The following FHOD3 variants were observed in gnomAD, a reference collection of about 807,000 sequenced individuals.
The protein encoded by FHOD3 is formin homology 2 domain containing 3.
A neutral mutation model predicts 173.0 loss-of-function variants in FHOD3; 90 were observed. That is an observed-to-expected ratio of 0.52 (90% CI 0.44 to 0.62). The LOEUF (loss-of-function observed/expected upper bound fraction) is 0.62, where lower values mean the gene tolerates loss of function less well. Among genes scored for constraint, FHOD3 ranks in the 20% least tolerant of loss-of-function variants. The probability of loss-of-function intolerance (pLI) is 0.00; values close to 1 mark genes in which losing one functional copy is unlikely to be tolerated. For missense variants in FHOD3, 1,945 were observed against 2,034.7 expected, an observed-to-expected ratio of 0.96 and a Z score of 0.85; for synonymous variants, 828 against 823.0, an observed-to-expected ratio of 1.01 and a Z score of -0.10.
chr18:36,345,663 A>C (rs2045845170), intron 1 of FHOD3, among the ~76,000 whole-genome samples: 1 of 152,224 alleles, frequency 6.6e-6, no homozygotes, highest in African/African-American at 2.4e-5. Context: ...TTAAATGCAC[A>C]TAATTGAAAA....
chr18:36,566,328 T>G (rs2058262778), intron 5 of FHOD3, among the ~76,000 whole-genome samples: 1 of 152,238 alleles, frequency 6.6e-6, no homozygotes, highest in South Asian at 2.1e-4. Context: ...TTTTAAAAAA[T>G]CAAGTCTAGC....
chr18:36,624,065 GGA>G (rs1460414339), intron 9 of FHOD3, among the ~76,000 whole-genome samples: 1 of 152,210 alleles, frequency 6.6e-6, no homozygotes, highest in Non-Finnish European at 1.5e-5. Flanking sequence ...CCACAAGGCT[GGA>G]GAACTTGCAT....
chr18:36,413,219 G>C (rs1447660376), intron 3 of FHOD3, among the ~76,000 whole-genome samples: 1 of 152,204 alleles, frequency 6.6e-6, no homozygotes, highest in Non-Finnish European at 1.5e-5. Context: ...AGATGCCTTG[G>C]TGATGGGTGG....
chr18:36,426,636 G>T (rs78251131), intron 3 of FHOD3, among the ~76,000 whole-genome samples: 2,856 of 152,278 alleles, frequency 0.019, 82 homozygotes, highest in African/African-American at 0.065. Flanking sequence ...AAAGCAGAAA[G>T]CATAGACATG....
At chr18:36,390,783 T>G (rs1161111452) in intron 3 of FHOD3, among the ~76,000 whole-genome samples, 1 of 152,188 alleles carries the variant, frequency 6.6e-6, no homozygotes, top group Non-Finnish European at 1.5e-5. Context: ...CTGTTACGCC[T>G]GGAGTGATTC....
intron 3 of FHOD3, among the ~76,000 whole-genome samples, chr18:36,459,688 A>G (rs2052436918): frequency 6.6e-6 from 1 of 152,224 alleles, no homozygotes; most frequent in Non-Finnish European, 1.5e-5. Context: ...TTTGAAAAAT[A>G]TAGCTTTAAA....
chr18:36,585,148 A>G (rs1052686189), intron 6 of FHOD3, among the ~76,000 whole-genome samples: 2 of 152,216 alleles, frequency 1.3e-5, no homozygotes, highest in Non-Finnish European at 2.9e-5. Flanking sequence ...ATTGTTTCCA[A>G]TGCTGTGCTG....
chr18:36,346,287 G>T (rs1440010481), intron 1 of FHOD3, among the ~76,000 whole-genome samples: 3 of 152,100 alleles, frequency 2.0e-5, no homozygotes, highest in Admixed American at 6.6e-5. Flanking sequence ...GGTCACTTGA[G>T]CCTGGGAGGT....
intron 19 of FHOD3, among the ~76,000 whole-genome samples, chr18:36,728,289 G>T (rs1285512838): frequency 1.3e-5 from 2 of 152,244 alleles, no homozygotes; most frequent in Non-Finnish European, 1.5e-5. Flanking sequence ...GGCATTGCTA[G>T]TTGTAACATC....
At chr18:36,380,837 CACTG>C (rs1342048963) in intron 3 of FHOD3, among the ~76,000 whole-genome samples, 2 of 152,090 alleles carry the variant, frequency 1.3e-5, no homozygotes, top group Non-Finnish European at 1.5e-5. Flanking sequence ...GAGCCCCATT[CACTG>C]ACTGACACAT....
At chr18:36,584,624 T>A (rs903441220) in intron 6 of FHOD3, among the ~76,000 whole-genome samples, 3 of 152,200 alleles carry the variant, frequency 2.0e-5, no homozygotes, top group African/African-American at 7.2e-5. Context: ...CTAATTTTTT[T>A]ATAATTCAGT....
intron 5 of FHOD3, among the ~76,000 whole-genome samples, chr18:36,521,902 AC>A (rs1346675412): frequency 6.6e-6 from 1 of 152,120 alleles, no homozygotes; most frequent in African/African-American, 2.4e-5. Context: ...TGTCCTGCAG[AC>A]CTTGGCATCT....
intron 1 of FHOD3, among the ~76,000 whole-genome samples, chr18:36,305,061 A>AT (rs2092056563): frequency 6.6e-6 from 1 of 152,146 alleles, no homozygotes; most frequent in South Asian, 2.1e-4. Context: ...GTCAACATTG[A>AT]TTTTCTATGG....
intron 1 of FHOD3, among the ~76,000 whole-genome samples, chr18:36,331,143 C>T (rs1052690281): frequency 6.6e-6 from 1 of 152,188 alleles, no homozygotes; most frequent in Non-Finnish European, 1.5e-5. Context: ...GGGTGAAACT[C>T]TAAACAATAA....
At position 36,759,126 on chromosome 18, in the gene FHOD3, G is replaced by A. The variant is rs941652676; in HGVS notation, c.4434G>A (p.Glu1478=). ...CCTGTCCTCTCGGGTAGACTGATGAGGAGGAGGAAGTTGAGGTATGACCAT... is the reference window on the plus strand; with the variant it reads ...CCTGTCCTCTCGGGTAGACTGATGAAGAGGAGGAAGTTGAGGTATGACCAT... ...TRGKMITDTD[E]EEEVESGKFS... The change falls in exon 26 of 29, where the codon GAG becomes GAA. Residue 1478 remains glutamate, a synonymous_variant. Coordinates refer to ENST00000590592, the MANE Select transcript of FHOD3 (RefSeq NM_001281740.3). The A allele has an allele frequency of 6.5e-7, 1 of 1,535,698 alleles. No individual in the cohort carries two copies. Among genetic ancestry groups the A allele is most frequent in the African/African-American group, 1.4e-5 (1 of 73,022 alleles).
intron 9 of FHOD3, among the ~76,000 whole-genome samples, chr18:36,620,163 A>C (rs761046918): frequency 2.8e-4 from 42 of 152,322 alleles, no homozygotes; most frequent in Non-Finnish European, 5.6e-4. Flanking sequence ...AGGGCCCTCC[A>C]TACTCCGAGG....
intron 3 of FHOD3, among the ~76,000 whole-genome samples, chr18:36,408,792 C>A (rs1043084303): frequency 2.6e-5 from 4 of 152,148 alleles, no homozygotes; most frequent in Non-Finnish European, 5.9e-5. Flanking sequence ...GCCCAGGAGC[C>A]AAGCCTGGAG....
intron 3 of FHOD3, among the ~76,000 whole-genome samples, chr18:36,430,001 C>T (rs1599083441): frequency 6.6e-6 from 1 of 152,138 alleles, no homozygotes; most frequent in Non-Finnish European, 1.5e-5. Flanking sequence ...GGGCACCAAA[C>T]CTCTGCGCTT....
intron 23 of FHOD3, 133 bp downstream of exon 23, chr18:36,744,326 T>C (rs984281022): frequency 2.3e-6 from 2 of 854,304 alleles, no homozygotes; most frequent in African/African-American, 3.4e-5. Flanking sequence ...CTCTGGAGTT[T>C]ATGAATATGA....
Sources: allele counts gnomAD v4.1 joint callset (sites outside exome capture counted in the v4.1 genomes callset), GRCh38; gene constraint gnomAD v4.1.1; transcripts MANE v1.5; gene names NCBI Gene and HGNC (gene_info 2026-07-23, HGNC 2026-07-21).